HMGCLL1: variants seen among roughly 807,000 people sequenced by gnomAD.
HMGCLL1 encodes 3-hydroxymethyl-3-methylglutaryl-CoA lyase, cytoplasmic.
Under a neutral mutation model 39.1 loss-of-function variants are expected in HMGCLL1, and 36 were observed. That is an observed-to-expected ratio of 0.92 (90% CI 0.71 to 1.22). The LOEUF is 1.22. Among genes scored for constraint, HMGCLL1 ranks in the 50% most tolerant of loss-of-function variants. The pLI, the probability that HMGCLL1 is intolerant of heterozygous loss-of-function variation, is 0.00. For missense variants in HMGCLL1, 451 were observed against 416.5 expected, an observed-to-expected ratio of 1.08 and a Z score of -0.72; for synonymous variants, 149 against 144.0, an observed-to-expected ratio of 1.03 and a Z score of -0.25.
intron 1 of HMGCLL1, among the ~76,000 whole-genome samples, chr6:55,578,553 T>C (rs1214878508): frequency 6.6e-6 from 1 of 152,214 alleles, no homozygotes; most frequent in Non-Finnish European, 1.5e-5. Context: ...CCTCACATTG[T>C]GACAAATTTG....
At chr6:55,676,567 T>C in the HMGCLL1 span, among the ~76,000 whole-genome samples, 1 of 152,166 alleles carries the variant, frequency 6.6e-6, no homozygotes, top group Non-Finnish European at 1.5e-5. Context: ...CTCCCACTTA[T>C]TACACATTTG....
chr6:55,670,579 G>C, the HMGCLL1 span, among the ~76,000 whole-genome samples: 49 of 151,754 alleles, frequency 3.2e-4, no homozygotes, highest in East Asian at 9.3e-3. Flanking sequence ...GGAATGTAAA[G>C]GAATTTATAT....
chr6:55,576,222 G>A (rs1561972591), intron 1 of HMGCLL1, among the ~76,000 whole-genome samples: 1 of 152,276 alleles, frequency 6.6e-6, no homozygotes, highest in East Asian at 1.9e-4. Context: ...TTTCACGAGA[G>A]GGTAACATGC....
At chr6:55,665,476 GTTGA>G in the HMGCLL1 span, among the ~76,000 whole-genome samples, 1 of 151,634 alleles carries the variant, frequency 6.6e-6, no homozygotes, top group Non-Finnish European at 1.5e-5. Flanking sequence ...TAGGATTATA[GTTGA>G]TTGAGGAATA....
intron 1 of HMGCLL1, among the ~76,000 whole-genome samples, chr6:55,577,781 A>G (rs1029710452): frequency 5.3e-5 from 8 of 152,230 alleles, no homozygotes; most frequent in African/African-American, 1.7e-4. Flanking sequence ...TTACATCAGG[A>G]AGGTCAAAAT....
chr6:55,557,053 T>C (rs1479257741), intron 1 of HMGCLL1, among the ~76,000 whole-genome samples: 1 of 152,210 alleles, frequency 6.6e-6, no homozygotes, highest in East Asian at 1.9e-4. Context: ...AATATTTTCC[T>C]AGAAGCTTTC....
intron 7 of HMGCLL1, among the ~76,000 whole-genome samples, chr6:55,467,890 G>A (rs1052805770): frequency 6.6e-6 from 1 of 152,032 alleles, no homozygotes; most frequent in Non-Finnish European, 1.5e-5. Context: ...ACAGCACACT[G>A]TCAGGTGAGG....
chr6:55,626,964 C>A, the HMGCLL1 span, among the ~76,000 whole-genome samples: 1 of 141,878 alleles, frequency 7.0e-6, no homozygotes, highest in Admixed American at 7.4e-5. Flanking sequence ...TGATTAAGGT[C>A]AATGGGAAAC....
At chr6:55,593,239 T>A in the HMGCLL1 span, among the ~76,000 whole-genome samples, 2 of 152,116 alleles carry the variant, frequency 1.3e-5, no homozygotes, top group Non-Finnish European at 2.9e-5. Context: ...CCCATGAATA[T>A]CATAAAGCTG....
At chr6:55,588,747 A>G in the HMGCLL1 span, among the ~76,000 whole-genome samples, 18 of 152,210 alleles carry the variant, frequency 1.2e-4, no homozygotes, top group African/African-American at 4.3e-4. Flanking sequence ...CCACAGAGAT[A>G]CAAACTACCA....
the HMGCLL1 span, among the ~76,000 whole-genome samples, chr6:55,678,171 G>A: frequency 6.6e-6 from 1 of 152,124 alleles, no homozygotes; most frequent in Admixed American, 6.6e-5. Context: ...GAGAACCAGA[G>A]CTATGGGTGA....
intron 7 of HMGCLL1, among the ~76,000 whole-genome samples, chr6:55,484,449 C>A (rs1765907240): frequency 6.6e-6 from 1 of 152,050 alleles, no homozygotes; most frequent in South Asian, 2.1e-4. Context: ...CTGAAGACTT[C>A]ATATCCCTTC....
intron 7 of HMGCLL1, among the ~76,000 whole-genome samples, chr6:55,455,365 A>T (rs939154035): frequency 1.3e-5 from 2 of 150,814 alleles, no homozygotes; most frequent in Admixed American, 6.6e-5. Context: ...ATATAAAATA[A>T]TTTTTTTTTT....
intron 3 of HMGCLL1, among the ~76,000 whole-genome samples, chr6:55,539,928 ATG>A (rs1769269940): frequency 7.5e-6 from 1 of 132,766 alleles, no homozygotes; most frequent in Non-Finnish European, 1.6e-5. Context: ...GAAAAGGAGG[ATG>A]AGGAGGAGGA....
At chr6:55,583,319 A>G (rs977162138), upstream of HMGCLL1, among the ~76,000 whole-genome samples, 15 of 151,934 alleles carry the variant, frequency 9.9e-5, no homozygotes, top group Non-Finnish European at 1.6e-4. Flanking sequence ...AGCATTAGGT[A>G]TATCTCCTAA....
At chr6:55,618,537 T>C in the HMGCLL1 span, among the ~76,000 whole-genome samples, 1 of 151,988 alleles carries the variant, frequency 6.6e-6, no homozygotes, top group African/African-American at 2.4e-5. Context: ...TTTTTAGAAG[T>C]TAGGAACATG....
chr6:55,508,813 C>T (rs9475331), intron 5 of HMGCLL1, among the ~76,000 whole-genome samples: 103,704 of 151,702 alleles, frequency 0.68, 35,466 homozygotes, highest in Non-Finnish European at 0.7. Flanking sequence ...AGGGACACCA[C>T]TAACTTTCTT....
At chr6:55,436,038 T>C (rs1763359137) in intron 8 of HMGCLL1, among the ~76,000 whole-genome samples, 1 of 151,842 alleles carries the variant, frequency 6.6e-6, no homozygotes, top group Admixed American at 6.6e-5. Context: ...TTCAGGCTGG[T>C]ATCTAGAGTC....
chr6:55,580,777 C>T (rs545294442), upstream of HMGCLL1, among the ~76,000 whole-genome samples: 1 of 152,022 alleles, frequency 6.6e-6, no homozygotes, highest in Non-Finnish European at 1.5e-5. Flanking sequence ...TTCCTGGATG[C>T]GCTTAAAACT....
Sources: allele counts gnomAD v4.1 joint callset (sites outside exome capture counted in the v4.1 genomes callset), GRCh38; gene constraint gnomAD v4.1.1; transcripts MANE v1.5; gene names NCBI Gene and HGNC (gene_info 2026-07-23, HGNC 2026-07-21).